Variants in DMD observed in about 807,000 individuals in gnomAD.
DMD encodes mutant dystrophin.
In DMD, 63 loss-of-function variants were observed where a neutral mutation model predicts 330.1. The ratio of observed to expected loss-of-function variants is 0.19; its 90% CI spans 0.16 to 0.24. The LOEUF (loss-of-function observed/expected upper bound fraction) is 0.24, where lower values mean the gene tolerates loss of function less well. DMD is among the 10% of genes least tolerant of loss of function. The pLI, the probability that DMD is intolerant of heterozygous loss-of-function variation, is 1.00. For missense variants in DMD, 3,344 were observed against 2,684.1 expected (o/e 1.25, Z -5.43); for synonymous variants, 1,223 against 959.8 (o/e 1.27, Z -5.07).
At chrX:31,659,333 C>A (rs1317307149) in intron 53 of DMD, among the ~76,000 whole-genome samples, 1 of 110,888 alleles carries the variant, frequency 9.0e-6, no homozygotes, top group Admixed American at 9.6e-5. Flanking sequence ...TCTTCATTAA[C>A]CAAAGCAGTA....
chrX:32,777,284 G>GGGGGGGGGGTGGGGGGGGGGA (rs1478457391), intron 7 of DMD, among the ~76,000 whole-genome samples: 1 of 58,478 alleles, frequency 1.7e-5, no homozygotes, highest in Non-Finnish European at 3.2e-5. Context: ...GGTTGGGGGG[G>GGGGGGGGGGTGGGGGGGGGGA]GAATCCTACC....
chrX:32,619,169 T>C (rs1300275718), intron 11 of DMD, among the ~76,000 whole-genome samples: 1 of 111,368 alleles, frequency 9.0e-6, no homozygotes, highest in Non-Finnish European at 1.9e-5. Context: ...ACAACATGGA[T>C]GAACCTGGAG....
At chrX:31,638,957 T>C (rs926520923) in intron 54 of DMD, among the ~76,000 whole-genome samples, 1 of 111,841 alleles carries the variant, frequency 8.9e-6, no homozygotes, top group African/African-American at 3.2e-5. Flanking sequence ...GATCATGCCA[T>C]TCAAGTGGTG....
intron 73 of DMD, among the ~76,000 whole-genome samples, chrX:31,171,768 G>C (rs184423708): frequency 6.5e-4 from 72 of 111,511 alleles, no homozygotes; most frequent in Admixed American, 1.0e-3. Context: ...AACAGGGTTG[G>C]CTTATCATCC....
intron 7 of DMD, among the ~76,000 whole-genome samples, chrX:32,737,615 A>G (rs979944391): frequency 1.8e-5 from 2 of 111,961 alleles, no homozygotes; most frequent in South Asian, 3.7e-4. Context: ...AATTAAAAAC[A>G]TGTATCTGTG....
intron 54 of DMD, among the ~76,000 whole-genome samples, chrX:31,633,077 C>G (rs2148458063): frequency 9.0e-6 from 1 of 111,432 alleles, no homozygotes; most frequent in South Asian, 3.8e-4. Context: ...CTCTTTTCTC[C>G]TCTGTTATGA....
chrX:31,549,742 T>C (rs1344082), intron 55 of DMD, among the ~76,000 whole-genome samples: 2,295 of 112,219 alleles, frequency 0.02, 47 homozygotes, highest in East Asian at 0.14. Context: ...TAAATGAAAA[T>C]TGCAAACACA....
intron 51 of DMD, among the ~76,000 whole-genome samples, chrX:31,749,632 G>A (rs1367425795): frequency 9.1e-6 from 1 of 109,345 alleles, no homozygotes; most frequent in Non-Finnish European, 1.9e-5. Flanking sequence ...ATAGCAGCAT[G>A]ATTTATAGTC....
At position 32,866,724 on chromosome X, in the gene DMD, T is replaced by TTTTTTGGC. The variant is rs1307416049; in HGVS notation, c.94-16905_94-16904insGCCAAAAA. On this transcript the variant is annotated intron_variant, in intron 2 of 78. Transcript: ENST00000357033. ...ATATATACATACACACACTTTTTTT[T>TTTTTTGGC]GGGGGGGGGTGGGGGGGTGGGGGGG... Among the ~76,000 whole-genome samples the TTTTTTGGC allele has an allele frequency of 2.1e-4, 8 of 38,411 alleles. 1 individual carries two copies. The highest frequency in any genetic ancestry group is 1.4e-3 in the African/African-American group (8 of 5,895). The allele number at this position is 38,411 out of a possible 115,157, so 33.4% of individuals were successfully genotyped here.
chrX:31,628,191 CT>C (rs1180992673), intron 54 of DMD, among the ~76,000 whole-genome samples: 5 of 110,590 alleles, frequency 4.5e-5, no homozygotes, highest in Non-Finnish European at 5.7e-5. Flanking sequence ...TTCAAAGTAC[CT>C]TTTTTTCAAT....
intron 32 of DMD, among the ~76,000 whole-genome samples, chrX:32,388,803 G>A (rs1193990144): frequency 1.8e-5 from 2 of 110,826 alleles, no homozygotes; most frequent in African/African-American, 6.6e-5. Flanking sequence ...TATGTTACTC[G>A]AGTAGATGCA....
chrX:31,885,124 A>G (rs1012255937), intron 47 of DMD, among the ~76,000 whole-genome samples: 1 of 111,337 alleles, frequency 9.0e-6, no homozygotes, highest in Non-Finnish European at 1.9e-5. Flanking sequence ...TCTACCCATG[A>G]TCCTATGAAG....
chrX:32,340,536 C>G (rs1569558818), intron 41 of DMD, among the ~76,000 whole-genome samples: 1 of 111,119 alleles, frequency 9.0e-6, no homozygotes, highest in African/African-American at 3.3e-5. Flanking sequence ...GCCTATTTAG[C>G]CATAAAGCAT....
chrX:31,975,164 T>G (rs2095427100), intron 44 of DMD, among the ~76,000 whole-genome samples: 1 of 111,272 alleles, frequency 9.0e-6, no homozygotes, highest in East Asian at 2.8e-4. Context: ...GGCTACATTT[T>G]AAATCTGGTC....
intron 1 of DMD, among the ~76,000 whole-genome samples, chrX:33,194,472 A>G (rs1411317966): frequency 9.0e-6 from 1 of 111,116 alleles, no homozygotes; most frequent in African/African-American, 3.3e-5. Context: ...CACTTTCATT[A>G]AGAAAAAATT....
At chrX:32,181,140 C>T (rs771078287) in intron 44 of DMD, among the ~76,000 whole-genome samples, 119 of 111,925 alleles carry the variant, frequency 1.1e-3, no homozygotes, top group African/African-American at 3.6e-3. Flanking sequence ...CATACGTTTT[C>T]GAGAGTGAGC....
intron 44 of DMD, among the ~76,000 whole-genome samples, chrX:32,178,830 G>GTGTGTGTGTGTGTGTGTGTGT (rs1569549001): frequency 3.1e-4 from 31 of 99,174 alleles, no homozygotes; most frequent in African/African-American, 1.1e-3. Flanking sequence ...TATTCCAGGG[G>GTGTGTGTGTGTGTGTGTGTGT]GTGTGTGTGT....
chrX:33,173,669 T>G (rs1308582420), intron 1 of DMD, among the ~76,000 whole-genome samples: 1 of 111,088 alleles, frequency 9.0e-6, no homozygotes, highest in African/African-American at 3.3e-5. Context: ...GATAACATTA[T>G]TACTGGAATT....
chrX:31,606,166 T>C (rs1032817236), intron 55 of DMD, among the ~76,000 whole-genome samples: 2 of 111,575 alleles, frequency 1.8e-5, no homozygotes, highest in Non-Finnish European at 3.8e-5. Flanking sequence ...GTGAAGAAGA[T>C]GCTTGCTTCC....
Sources: gnomAD v4.1 joint callset for allele counts (sites outside exome capture counted in the v4.1 genomes callset) on GRCh38, gnomAD v4.1.1 for gene constraint, MANE v1.5 for transcripts, NCBI Gene and HGNC (gene_info 2026-07-23, HGNC 2026-07-21) for gene names.